Variants in CAMK2A observed in about 807,000 individuals in gnomAD.
The protein encoded by CAMK2A is calcium/calmodulin-dependent protein kinase type II subunit alpha.
A neutral mutation model predicts 79.2 loss-of-function variants in CAMK2A; 7 were observed. That is an observed-to-expected ratio of 0.09 (90% CI 0.05 to 0.17). The LOEUF (loss-of-function observed/expected upper bound fraction) is 0.17, where lower values mean the gene tolerates loss of function less well. Among genes scored for constraint, CAMK2A ranks in the 10% least tolerant of loss-of-function variants. The pLI, the probability that CAMK2A is intolerant of heterozygous loss-of-function variation, is 1.00. For missense variants in CAMK2A, 214 were observed against 646.4 expected (o/e 0.33, Z 7.25); for synonymous variants, 242 against 251.7 (o/e 0.96, Z 0.36).
chr5:150,277,661 G>A (rs1487250025), intron 1 of CAMK2A, among the ~76,000 whole-genome samples: 3 of 152,218 alleles, frequency 2.0e-5, no homozygotes, highest in Non-Finnish European at 4.4e-5. Flanking sequence ...CCCAATGTAA[G>A]CAAGTGCATT....
upstream of CAMK2A, chr5:150,289,886 A>C: frequency 2.0e-6 from 1 of 503,680 alleles, no homozygotes; most frequent in Admixed American, 3.4e-5. Context: ...CTGCCTCCCC[A>C]ACACCTGCCT....
In CAMK2A at chr5:150,278,126, C is replaced by T. The variant is rs117280973; in HGVS notation, c.63-4967G>A. On this transcript the variant is annotated intron_variant, in intron 1 of 18. Coordinates refer to ENST00000671881, the MANE Select transcript of CAMK2A (RefSeq NM_015981.4). ...TAGAGGGCAATAATAGCCTCTACCT[C>T]CTGGGTTTGTTGGGGAGATTAAGTG... Among the ~76,000 whole-genome samples, 152 of 152,244 alleles carry T rather than the reference C, an allele frequency of 1.0e-3. 6 individuals are homozygous for T. The East Asian group carries it at 0.021, about 21-fold the overall frequency.
At chr5:150,276,874 A>G (rs1342868356) in intron 1 of CAMK2A, among the ~76,000 whole-genome samples, 1 of 152,160 alleles carries the variant, frequency 6.6e-6, no homozygotes, top group Non-Finnish European at 1.5e-5. Flanking sequence ...CATTCTAGGT[A>G]AAGACCTTAG....
At chr5:150,272,036 C>A (rs963596787) in intron 2 of CAMK2A, among the ~76,000 whole-genome samples, 3 of 152,162 alleles carry the variant, frequency 2.0e-5, no homozygotes, top group Non-Finnish European at 4.4e-5. Context: ...CCAGATCACA[C>A]CCCAGACCAA....
At chr5:150,286,123 G>A (rs1485283863) in intron 1 of CAMK2A, among the ~76,000 whole-genome samples, 2 of 152,212 alleles carry the variant, frequency 1.3e-5, no homozygotes, top group South Asian at 2.1e-4. Context: ...AAGCTTCGGT[G>A]CCGCTAGGAT....
chr5:150,222,885 A>G (rs1397033950), intron 18 of CAMK2A, 104 bp downstream of exon 18: 1 of 1,381,004 alleles, frequency 7.2e-7, no homozygotes, highest in Non-Finnish European at 1.0e-6. Context: ...CCCACTCTGC[A>G]GCCTTTCAGA....
chr5:150,239,367 A>T (rs1451911708), intron 14 of CAMK2A, among the ~76,000 whole-genome samples: 1 of 152,146 alleles, frequency 6.6e-6, no homozygotes, highest in African/African-American at 2.4e-5. Context: ...GATTGGCACA[A>T]ACCAAGCCTG....
intron 6 of CAMK2A, among the ~76,000 whole-genome samples, chr5:150,255,465 C>A (rs945459405): frequency 6.6e-6 from 1 of 152,248 alleles, no homozygotes; most frequent in African/African-American, 2.4e-5. Context: ...TCCGGGAGGA[C>A]CGTGGCAGGG....
chr5:150,258,259 C>T (rs1213614581), intron 3 of CAMK2A, among the ~76,000 whole-genome samples: 1 of 152,214 alleles, frequency 6.6e-6, no homozygotes, highest in African/African-American at 2.4e-5. Context: ...CCCAGGGCTC[C>T]CAGCATGCAC....
chr5:150,250,632 C>A (rs561211381), intron 10 of CAMK2A, 56 bp downstream of exon 10: 2 of 1,605,328 alleles, frequency 1.2e-6, no homozygotes, highest in East Asian at 4.5e-5. Context: ...CTGTGGGGGC[C>A]TGGATCATGA....
At chr5:150,259,121 A>G (rs1756187807) in intron 3 of CAMK2A, among the ~76,000 whole-genome samples, 1 of 152,120 alleles carries the variant, frequency 6.6e-6, no homozygotes, top group African/African-American at 2.4e-5. Context: ...TGGAGTTTGC[A>G]GTGAGCCGAG....
intron 17 of CAMK2A, among the ~76,000 whole-genome samples, chr5:150,225,188 G>A (rs1406116062): frequency 6.6e-6 from 1 of 152,102 alleles, no homozygotes; most frequent in Non-Finnish European, 1.5e-5. Flanking sequence ...GACAAACAGA[G>A]CTTAGCATTG....
chr5:150,231,264 C>T, intron 16 of CAMK2A, 41 bp downstream of exon 16: 2 of 1,247,348 alleles, frequency 1.6e-6, no homozygotes, highest in Non-Finnish European at 2.3e-6. Context: ...CCCTGAACAA[C>T]AATCCAGGCA....
intron 1 of CAMK2A, among the ~76,000 whole-genome samples, chr5:150,278,836 C>T (rs929173230): frequency 2.0e-5 from 3 of 152,032 alleles, no homozygotes; most frequent in African/African-American, 7.2e-5. Context: ...TGCTGTGAGG[C>T]TGTAGGTGTG....
chr5:150,255,157 T>G (rs1357544800), intron 6 of CAMK2A, among the ~76,000 whole-genome samples: 1 of 152,216 alleles, frequency 6.6e-6, no homozygotes, highest in Non-Finnish European at 1.5e-5. Flanking sequence ...TGGCCTAAAT[T>G]TGGGCTGCCT....
At position 150,256,185 on chromosome 5, in the gene CAMK2A, C is replaced by A. The variant is rs1756050569; in HGVS notation, c.411+388G>T. Among the ~76,000 whole-genome samples, 1 of 152,172 alleles carries A rather than the reference C, an allele frequency of 6.6e-6. No homozygotes were observed. The highest frequency in any genetic ancestry group is 1.5e-5 in the Non-Finnish European group (1 of 68,030). ...CCCTTTGCAGAGGTTGCTATGGCAA[C>A]CCCCATTGTGAAGAATCTGAGGCTC... On this transcript the variant is annotated intron_variant, in intron 6 of 18. Transcript: ENST00000671881. This position sits in a 1 kb window ranked among gnomAD's most constrained non-coding sequence, Gnocchi z 4.6.
At chr5:150,250,368 CA>C in intron 10 of CAMK2A, 59 bp from the exon 11 acceptor site, 1 of 1,396,734 alleles carries the variant, frequency 7.2e-7, no homozygotes, top group Non-Finnish European at 1.0e-6. Context: ...CAGGCCCACC[CA>C]AGGGTACCCT....
intron 2 of CAMK2A, among the ~76,000 whole-genome samples, chr5:150,272,130 C>T (rs925525469): frequency 6.6e-6 from 1 of 152,166 alleles, no homozygotes; most frequent in Non-Finnish European, 1.5e-5. Flanking sequence ...CAGGTGCTGT[C>T]CTAGGTGCTG....
intron 13 of CAMK2A, among the ~76,000 whole-genome samples, chr5:150,240,264 T>C (rs1461275097): frequency 6.6e-6 from 1 of 152,194 alleles, no homozygotes; most frequent in Non-Finnish European, 1.5e-5. Flanking sequence ...TCTGAGGAGT[T>C]TGATAACTAG....
Sources: gnomAD v4.1 joint callset for allele counts (sites outside exome capture counted in the v4.1 genomes callset) on GRCh38, gnomAD v4.1.1 for gene constraint, Gnocchi (gnomAD v3.1) non-coding constraint, MANE v1.5 for transcripts, NCBI Gene and HGNC (gene_info 2026-07-23, HGNC 2026-07-21) for gene names.